GNG3: variants seen among roughly 807,000 people sequenced by gnomAD.
GNG3 encodes the protein guanine nucleotide-binding protein G(I)/G(S)/G(O) subunit gamma-3.
A neutral mutation model predicts 5.6 loss-of-function variants in GNG3; 4 were observed. The observed-to-expected ratio is 0.71, with a 90% confidence interval of 0.35 to 1.63. The LOEUF is 1.63. Ranked by LOEUF, GNG3 falls within the 40% of genes most tolerant of loss-of-function variation. The pLI is 0.05. For missense variants in GNG3, 62 were observed against 96.6 expected, an observed-to-expected ratio of 0.64 and a Z score of 1.50; for synonymous variants, 30 against 33.5, an observed-to-expected ratio of 0.89 and a Z score of 0.36.
rs2083578822 is a variant in GNG3 at position 62,708,387 on chromosome 11, G to A, written c.92G>A (p.Arg31Gln). ...EQLKIEASLC[R>Q]IKVSKAAADL... ...CTTAAGATTGAAGCCAGCTTGTGTC[G>A]GATAAAGGTAGGTGGGACCCTGGCT... Residue 31 changes from arginine (R) to glutamine (Q), a missense_variant, in exon 2 of 3, where the codon CGG becomes CAG. Physicochemically the swap from Arg to Gln is conservative, Grantham distance 43. This residue lies in a region of GNG3 where 58 missense variants were observed against 75.4 expected (regional missense o/e 0.77). Coordinates refer to ENST00000294117, the MANE Select transcript of GNG3 (RefSeq NM_012202.5). 1.2e-6 allele frequency: 2 copies of A among 1,610,408 alleles called. No homozygotes were observed. Among genetic ancestry groups the A allele is most frequent in the African/African-American group, 1.3e-5 (1 of 74,952 alleles).
Position 62,708,716 on chromosome 11 carries a change from T to C in GNG3, c.138T>C (p.Asp46=). ...KAAADLMTYC[D]AHACEDPLIT... ...CAGCAGACCTGATGACTTACTGTGA[T>C]GCCCACGCCTGTGAGGATCCCCTCA... The change falls in exon 3 of 3, where the codon GAT becomes GAC. Residue 46 remains aspartate (D), a synonymous_variant. Coordinates refer to ENST00000294117, the MANE Select transcript of GNG3 (RefSeq NM_012202.5). The C allele has an allele frequency of 6.2e-7, 1 of 1,614,104 alleles. No homozygotes were observed. Among genetic ancestry groups the C allele is most frequent in the East Asian group, 2.2e-5 (1 of 44,888 alleles).
chr11:62,708,643 C>T (rs1209749002), intron 2 of GNG3, 35 bp from the exon 3 acceptor site: 1 of 1,610,966 alleles, frequency 6.2e-7, no homozygotes, highest in Admixed American at 1.7e-5. Flanking sequence ...CTTCAGAGGT[C>T]CTGGCTAACA....
At position 62,708,653 on chromosome 11, in the gene GNG3, A is replaced by T. The variant is rs368328809; in HGVS notation, c.100-25A>T. 7.1e-5 allele frequency: 115 copies of T among 1,612,786 alleles called. No individual in the cohort carries two copies. The African/African-American group carries it at 1.4e-3, about 20-fold the overall frequency. On this transcript the variant is annotated intron_variant, in intron 2 of 2. Transcript: ENST00000294117. ...GTCCCCTTCAGAGGTCCTGGCTAACAATACCCTTCCTGGCTGTGTCCCAGG... is the reference window on the plus strand; with the variant it reads ...GTCCCCTTCAGAGGTCCTGGCTAACTATACCCTTCCTGGCTGTGTCCCAGG...
Position 62,708,912 on chromosome 11 carries a change from C to A in GNG3, c.*106C>A. The A allele has an allele frequency of 1.2e-6, 1 of 846,380 alleles. No individual in the cohort carries two copies. Among genetic ancestry groups the A allele is most frequent in the Non-Finnish European group, 2.0e-6 (1 of 511,304 alleles). The allele number at this position is 846,380 out of a possible 1,614,324, so 52.4% of individuals were successfully genotyped here. On this transcript the variant is annotated 3_prime_UTR_variant, in exon 3 of 3. Coordinates refer to ENST00000294117, the MANE Select transcript of GNG3 (RefSeq NM_012202.5). ...TAGGCTCCTTGCATCCCATCCCTAA[C>A]CCTTGCCTGACCATGTGAGGTTATC...
At chr11:62,706,556 A>G, upstream of GNG3, 1 of 462,968 alleles carries the variant, frequency 2.2e-6, no homozygotes, top group South Asian at 1.6e-5. Flanking sequence ...GGATGCGCTG[A>G]CTGCAGCCTC....
chr11:62,707,787 T>G lies in GNG3; in HGVS notation c.-130T>G. ...TCCCCAGGGGCCTCCTTTCGTATAG[T>G]CACTGCTTCTGCATCAGATACTTTC... On this transcript the variant is annotated 5_prime_UTR_variant, in exon 1 of 3. Transcript: ENST00000294117. 1 of 262,232 alleles carries G rather than the reference T, an allele frequency of 3.8e-6. No homozygotes were observed. The highest frequency in any genetic ancestry group is 7.5e-6 in the Non-Finnish European group (1 of 133,594). 16.2% of individuals were successfully genotyped at this position (262,232 alleles called of 1,614,324 possible). A position where few individuals can be genotyped will look rare whatever the true frequency, so the allele number is the denominator to read the frequency against.
intron 1 of GNG3, 152 bp from the exon 2 acceptor site, chr11:62,708,143 G>T: frequency 1.5e-6 from 1 of 668,574 alleles, no homozygotes; most frequent in South Asian, 1.7e-5. Flanking sequence ...AGGAATACAG[G>T]GATGAGACAG....
At chr11:62,708,265 T>A in intron 1 of GNG3, 30 bp from the exon 2 acceptor site, 1 of 1,408,864 alleles carries the variant, frequency 7.1e-7, no homozygotes, top group Non-Finnish European at 1.0e-6. Flanking sequence ...CAGCTGAGAC[T>A]GTGCTCTGAG....
chr11:62,708,271 C>A (rs777032288), intron 1 of GNG3, 24 bp from the exon 2 acceptor site: 12 of 1,483,294 alleles, frequency 8.1e-6, no homozygotes, highest in South Asian at 1.1e-5. Flanking sequence ...AGACTGTGCT[C>A]TGAGAGGTCC....
upstream of GNG3, chr11:62,706,461 C>G (rs2083539755): frequency 2.5e-6 from 1 of 405,378 alleles, no homozygotes; most frequent in Non-Finnish European, 4.5e-6. Flanking sequence ...GCCACTGGCT[C>G]TCTCTGCGGC....
intron 2 of GNG3, 128 bp from the exon 3 acceptor site, chr11:62,708,550 G>C (rs1370222185): frequency 1.0e-5 from 14 of 1,384,548 alleles, no homozygotes; most frequent in African/African-American, 4.3e-5. Context: ...CAGGCCTCTG[G>C]GGGGGATGAG....
chr11:62,708,437 T>G (rs1020746463), intron 2 of GNG3, 43 bp downstream of exon 2: 7 of 1,414,214 alleles, frequency 4.9e-6, no homozygotes, highest in Non-Finnish European at 6.0e-6. Context: ...GGCCAGGCTG[T>G]GCTGTGCTGC....
chr11:62,707,633 C>A, upstream of GNG3: 1 of 485,370 alleles, frequency 2.1e-6, no homozygotes, highest in Non-Finnish European at 3.8e-6. Context: ...CTAGGCTCCC[C>A]CACTGGCCAG....
chr11:62,707,701 T>C lies in GNG3; in HGVS notation c.-216T>C. On this transcript the variant is annotated 5_prime_UTR_variant, in exon 1 of 3. Transcript: ENST00000294117. The stretch of plus-strand genomic sequence containing the variant: ...CTTCTAGCATCCTTCATCCTTCAGG[T>C]ACCAGCCATCCAGACAGTGCTTGAG... The C allele has an allele frequency of 2.8e-6, 1 of 356,012 alleles. No individual in the cohort carries two copies. Among genetic ancestry groups the C allele is most frequent in the South Asian group, 2.6e-5 (1 of 38,412 alleles). 22.1% of individuals were successfully genotyped at this position (356,012 alleles called of 1,614,324 possible).
At chr11:62,706,454 A>G (rs1383913528), upstream of GNG3, 3 of 415,226 alleles carry the variant, frequency 7.2e-6, no homozygotes, top group East Asian at 1.5e-4. Flanking sequence ...TGCGCTCGCC[A>G]CTGGCTCTCT....
chr11:62,708,169 G>A, intron 1 of GNG3, 126 bp from the exon 2 acceptor site: 1 of 719,936 alleles, frequency 1.4e-6, no homozygotes, highest in Middle Eastern at 2.4e-4. Context: ...TGGAGGAGGA[G>A]GAGGAGGATA....
At chr11:62,708,075 T>G (rs2083572725) in intron 1 of GNG3, 160 bp downstream of exon 1, 1 of 586,780 alleles carries the variant, frequency 1.7e-6, no homozygotes, top group Admixed American at 2.9e-5. Context: ...TAATGATCTG[T>G]GGCCCAGGCC....
At chr11:62,707,110 T>A, upstream of GNG3, 2 of 1,552,992 alleles carry the variant, frequency 1.3e-6, no homozygotes, top group Non-Finnish European at 1.7e-6. Flanking sequence ...GGCCCCTACC[T>A]CCTCTTTGTC....
At chr11:62,708,614 G>C in intron 2 of GNG3, 64 bp from the exon 3 acceptor site, 1 of 1,596,468 alleles carries the variant, frequency 6.3e-7, no homozygotes, top group Non-Finnish European at 8.6e-7. Context: ...ACCCATTTGG[G>C]GAGGGAGGCT....
Sources: gnomAD v4.1 joint callset for allele counts on GRCh38, gnomAD v4.1.1 for gene constraint, gnomAD v4.1.1 regional missense constraint, MANE v1.5 for transcripts, NCBI Gene and HGNC (gene_info 2026-07-23, HGNC 2026-07-21) for gene names.